Variants in GNB4 observed in about 807,000 individuals in gnomAD.
The protein encoded by GNB4 is G protein subunit beta 4.
In GNB4, 28 loss-of-function variants were observed where a neutral mutation model predicts 45.2. The ratio of observed to expected loss-of-function variants is 0.62; its 90% CI spans 0.46 to 0.85. GNB4 has a LOEUF of 0.85. GNB4 is among the 40% of genes least tolerant of loss of function. The pLI is 0.00. For missense variants in GNB4, 321 were observed against 425.4 expected (o/e 0.75, Z 2.16); for synonymous variants, 132 against 143.7 (o/e 0.92, Z 0.58).
chr3:179,477,012 G>T, the GNB4 span, among the ~76,000 whole-genome samples: 1 of 152,178 alleles, frequency 6.6e-6, no homozygotes, highest in African/African-American at 2.4e-5. Flanking sequence ...AATAGAAGGT[G>T]CTCTGAAACT....
At chr3:179,482,626 T>G in the GNB4 span, among the ~76,000 whole-genome samples, 1 of 152,346 alleles carries the variant, frequency 6.6e-6, no homozygotes, top group South Asian at 2.1e-4. Context: ...ACGCTAATTA[T>G]TCCCACTGTT....
rs1008007672 is a variant in GNB4, at chr3:179,397,342, T to C, written c.*3871A>G. 1 of 152,258 alleles carries C rather than the reference T, an allele frequency of 6.6e-6. No homozygotes were observed. Among genetic ancestry groups the C allele is most frequent in the Non-Finnish European group, 1.5e-5 (1 of 68,042 alleles). 9.4% of individuals were successfully genotyped at this position (152,258 alleles called of 1,614,324 possible). Reference sequence around the variant, plus strand: ...TATTAGAGGAGCTAGTTATACAATATTGGCACAGCATTTTTAAGCAATAAT... The same window carrying C: ...TATTAGAGGAGCTAGTTATACAATACTGGCACAGCATTTTTAAGCAATAAT... On this transcript the variant is annotated 3_prime_UTR_variant, in exon 10 of 10. Coordinates refer to ENST00000232564, the MANE Select transcript of GNB4 (RefSeq NM_021629.4).
chr3:179,516,146 T>C, the GNB4 span, among the ~76,000 whole-genome samples: 1 of 152,168 alleles, frequency 6.6e-6, no homozygotes, highest in Admixed American at 6.5e-5. Flanking sequence ...CTTTTTTAAG[T>C]TGGAGGCTGC....
At chr3:179,420,306 T>G (rs1247153159) in intron 3 of GNB4, among the ~76,000 whole-genome samples, 3 of 149,502 alleles carry the variant, frequency 2.0e-5, no homozygotes, top group Admixed American at 1.3e-4. Context: ...CTTTCATGTT[T>G]TTTTTTTTTT....
the GNB4 span, among the ~76,000 whole-genome samples, chr3:179,513,905 T>G: frequency 1.3e-5 from 2 of 152,334 alleles, no homozygotes; most frequent in South Asian, 4.1e-4. Flanking sequence ...ACCACAAAGT[T>G]TGATGCTTAT....
intron 1 of GNB4, among the ~76,000 whole-genome samples, chr3:179,428,030 G>A (rs527744762): frequency 2.6e-5 from 4 of 152,188 alleles, no homozygotes; most frequent in Admixed American, 2.0e-4. Flanking sequence ...TCATGAGAGA[G>A]AATTTGGTTT....
In GNB4 at chr3:179,396,280, T is replaced by A. The variant is rs960533630; in HGVS notation, c.*4933A>T. On this transcript the variant is annotated 3_prime_UTR_variant, in exon 10 of 10. Coordinates refer to ENST00000232564, the MANE Select transcript of GNB4 (RefSeq NM_021629.4). The stretch of plus-strand genomic sequence containing the variant: ...ACGTTTACCCTTCCCATAATTAGAC[T>A]ACTACTGACATTCATGTTCAGTTGA... 6.6e-6 allele frequency: 1 copy of A among 152,214 alleles called. No individual in the cohort carries two copies. The highest frequency in any genetic ancestry group is 2.4e-5 in the African/African-American group (1 of 41,458). The allele number at this position is 152,214 out of a possible 1,614,324, so 9.4% of individuals were successfully genotyped here.
Position 179,400,965 on chromosome 3 carries a change from A to C in GNB4, c.*248T>G. On this transcript the variant is annotated 3_prime_UTR_variant, in exon 10 of 10. Coordinates refer to ENST00000232564, the MANE Select transcript of GNB4 (RefSeq NM_021629.4). Reference sequence around the variant, plus strand: ...AAATACACTCTGAGTACACACAACAATTCACCAAGGTTAAAATAACCCAAC... The same window carrying C: ...AAATACACTCTGAGTACACACAACACTTCACCAAGGTTAAAATAACCCAAC... 1 of 382,242 alleles carries C rather than the reference A, an allele frequency of 2.6e-6. No individual in the cohort carries two copies. Among genetic ancestry groups the C allele is most frequent in the Non-Finnish European group, 4.7e-6 (1 of 211,880 alleles). 23.7% of individuals were successfully genotyped at this position (382,242 alleles called of 1,614,324 possible).
chr3:179,434,841 GA>G (rs1338752679), intron 1 of GNB4, among the ~76,000 whole-genome samples: 1 of 152,124 alleles, frequency 6.6e-6, no homozygotes, highest in Non-Finnish European at 1.5e-5. Context: ...TTGAACCCAG[GA>G]GTTCAAGGCT....
intron 1 of GNB4, among the ~76,000 whole-genome samples, chr3:179,434,528 C>T (rs1410201627): frequency 6.6e-6 from 1 of 152,006 alleles, no homozygotes; most frequent in East Asian, 1.9e-4. Flanking sequence ...TGAGACCAAC[C>T]TGGCCAATGT....
At chr3:179,486,767 C>A in the GNB4 span, among the ~76,000 whole-genome samples, 1 of 152,188 alleles carries the variant, frequency 6.6e-6, no homozygotes, top group Non-Finnish European at 1.5e-5. Flanking sequence ...AGTAGACACA[C>A]AAACTGCTGC....
intron 1 of GNB4, among the ~76,000 whole-genome samples, chr3:179,436,772 C>T (rs1358961757): frequency 1.3e-5 from 2 of 152,092 alleles, no homozygotes; most frequent in African/African-American, 2.4e-5. Context: ...TTGTAGCATA[C>T]GGCATTAACT....
At chr3:179,491,562 A>G in the GNB4 span, among the ~76,000 whole-genome samples, 1 of 152,246 alleles carries the variant, frequency 6.6e-6, no homozygotes, top group Admixed American at 6.5e-5. Flanking sequence ...ATATGGAAGC[A>G]TTCCGGAGCT....
rs181716428 is a variant in GNB4, at chr3:179,429,652, T to C, written c.-42-3410A>G. On this transcript the variant is annotated intron_variant, in intron 1 of 9. Coordinates refer to ENST00000232564, the MANE Select transcript of GNB4 (RefSeq NM_021629.4). ...ACCCTAGCCTGCCTGCCCTTCCATC[T>C]TGTCACACTCAACAGCAAAAGCAAA... is the stretch of plus-strand genomic sequence containing the variant. 5.3e-5 allele frequency among the ~76,000 whole-genome samples: 8 copies of C among 152,314 alleles called. 2 individuals carry two copies. Among genetic ancestry groups the C allele is most frequent in the South Asian group, 2.1e-4 (1 of 4,824 alleles).
At chr3:179,459,311 G>A in the GNB4 span, among the ~76,000 whole-genome samples, 2 of 152,196 alleles carry the variant, frequency 1.3e-5, no homozygotes, top group African/African-American at 2.4e-5. Flanking sequence ...TCAAACAGCT[G>A]GTAAATGGTG....
chr3:179,447,956 G>A (rs778641016), intron 1 of GNB4, among the ~76,000 whole-genome samples: 5 of 152,148 alleles, frequency 3.3e-5, no homozygotes, highest in Non-Finnish European at 5.9e-5. Context: ...AGAAGCCAAG[G>A]GGAAACGACA....
intron 4 of GNB4, among the ~76,000 whole-genome samples, chr3:179,418,839 G>A (rs140168853): frequency 3.3e-4 from 51 of 152,358 alleles, no homozygotes; most frequent in African/African-American, 1.2e-3. Context: ...GTGAATGACA[G>A]TGATGAGCAA....
At chr3:179,407,875 C>T (rs973198791) in intron 8 of GNB4, among the ~76,000 whole-genome samples, 4 of 152,164 alleles carry the variant, frequency 2.6e-5, no homozygotes, top group Non-Finnish European at 5.9e-5. Flanking sequence ...ATAATAACCT[C>T]ATTATACACC....
At chr3:179,499,420 A>G in the GNB4 span, among the ~76,000 whole-genome samples, 1 of 152,072 alleles carries the variant, frequency 6.6e-6, no homozygotes, top group Non-Finnish European at 1.5e-5. Context: ...TGGCCTCCCA[A>G]AGTGCCGGGA....
Sources: gnomAD v4.1 joint callset for allele counts (sites outside exome capture counted in the v4.1 genomes callset) on GRCh38, gnomAD v4.1.1 for gene constraint, MANE v1.5 for transcripts, NCBI Gene and HGNC (gene_info 2026-07-23, HGNC 2026-07-21) for gene names.